RFX3: variants seen among roughly 807,000 people sequenced by gnomAD.
RFX3 encodes the protein regulatory factor X3.
A neutral mutation model predicts 98.6 loss-of-function variants in RFX3; 14 were observed. The ratio of observed to expected loss-of-function variants is 0.14; its 90% CI spans 0.09 to 0.22. RFX3 has a LOEUF of 0.22. Among genes scored for constraint, RFX3 ranks in the 10% least tolerant of loss-of-function variants. RFX3 has a pLI of 1.00. For missense variants in RFX3, 639 were observed against 926.9 expected (o/e 0.69, Z 4.03); for synonymous variants, 383 against 328.4 (o/e 1.17, Z -1.80).
At chr9:3,246,550 G>A (rs367554564) in intron 15 of RFX3, among the ~76,000 whole-genome samples, 16 of 152,332 alleles carry the variant, frequency 1.1e-4, no homozygotes, top group African/African-American at 3.8e-4. Context: ...TTGAGCATAT[G>A]AGGTAGTGGC....
At chr9:3,461,551 TA>T (rs1255290300) in intron 1 of RFX3, among the ~76,000 whole-genome samples, 1 of 151,992 alleles carries the variant, frequency 6.6e-6, no homozygotes. Context: ...AAAGAACTGT[TA>T]GTAGAACAAT....
At chr9:3,456,324 C>A (rs1847148310) in intron 1 of RFX3, among the ~76,000 whole-genome samples, 1 of 152,120 alleles carries the variant, frequency 6.6e-6, no homozygotes, top group African/African-American at 2.4e-5. Context: ...CCACTTGATC[C>A]GTGGCTAGTG....
chr9:3,522,616 C>G (rs1249185339), intron 1 of RFX3, among the ~76,000 whole-genome samples: 5 of 151,130 alleles, frequency 3.3e-5, no homozygotes, highest in Non-Finnish European at 7.4e-5. Flanking sequence ...TGCTGCTATG[C>G]CCACCCATTT....
chr9:3,227,301 G>A (rs1043387060), intron 16 of RFX3, among the ~76,000 whole-genome samples: 3 of 152,144 alleles, frequency 2.0e-5, no homozygotes, highest in Non-Finnish European at 4.4e-5. Flanking sequence ...TGGACTGGAC[G>A]ATTTAAGTGT....
rs1454134114 is a variant in RFX3, at chr9:3,464,800, G to A, written c.-9+60947C>T. On this transcript the variant is annotated intron_variant, in intron 1 of 16. Coordinates refer to ENST00000617270, the MANE Select transcript of RFX3 (RefSeq NM_001282116.2). The stretch of plus-strand genomic sequence containing the variant: ...AATAAAGCTGATTTAACAAATAAAA[G>A]CAATGAAATATATGTTGAAGACTTT... Among the ~76,000 whole-genome samples the A allele has an allele frequency of 2.0e-5, 3 of 152,088 alleles. No individual in the cohort carries two copies. In the East Asian group the frequency reaches 5.8e-4, roughly 29 times the overall value.
intron 1 of RFX3, among the ~76,000 whole-genome samples, chr9:3,514,542 G>A (rs963612868): frequency 3.3e-5 from 5 of 151,940 alleles, no homozygotes; most frequent in Non-Finnish European, 7.4e-5. Flanking sequence ...CCTCCACCTC[G>A]AGGGCTGAAG....
chr9:3,227,812 C>G (rs1817960389), intron 16 of RFX3, among the ~76,000 whole-genome samples: 2 of 152,146 alleles, frequency 1.3e-5, no homozygotes, highest in South Asian at 4.1e-4. Context: ...ATATTTGTAG[C>G]AACAATTTTT....
intron 14 of RFX3, among the ~76,000 whole-genome samples, chr9:3,251,246 A>C (rs1821356211): frequency 6.6e-6 from 1 of 152,240 alleles, no homozygotes; most frequent in African/African-American, 2.4e-5. Flanking sequence ...TATGGTAAAC[A>C]ACTGGATCCC....
chr9:3,403,888 T>C (rs1328893954), intron 1 of RFX3, among the ~76,000 whole-genome samples: 1 of 152,190 alleles, frequency 6.6e-6, no homozygotes. Flanking sequence ...TTCTTAATTT[T>C]CTTCACATCA....
chr9:3,468,740 A>T (rs1280474293), intron 1 of RFX3, among the ~76,000 whole-genome samples: 1 of 151,680 alleles, frequency 6.6e-6, no homozygotes. Context: ...ATGAAGACCT[A>T]GACCTATTTA....
chr9:3,247,607 T>C (rs1224894039), intron 15 of RFX3: 1 of 1,304,092 alleles, frequency 7.7e-7, no homozygotes, highest in Non-Finnish European at 9.8e-7. Context: ...TTTTTATCCT[T>C]CTAAAATAGA....
intron 1 of RFX3, among the ~76,000 whole-genome samples, chr9:3,500,430 T>C (rs1815874337): frequency 6.6e-6 from 1 of 152,182 alleles, no homozygotes; most frequent in Admixed American, 6.5e-5. Flanking sequence ...TGAAAGTTTA[T>C]ATTCAATAAT....
At chr9:3,423,278 C>T (rs907966915) in intron 1 of RFX3, among the ~76,000 whole-genome samples, 8 of 152,106 alleles carry the variant, frequency 5.3e-5, no homozygotes, top group Non-Finnish European at 7.4e-5. Flanking sequence ...ACCCAATATT[C>T]CACTCCTAAG....
At chr9:3,310,212 A>G (rs1480469067) in intron 4 of RFX3, among the ~76,000 whole-genome samples, 1 of 152,136 alleles carries the variant, frequency 6.6e-6, no homozygotes, top group African/African-American at 2.4e-5. Context: ...AGTCTTTTGT[A>G]TGATTTACAT....
intron 1 of RFX3, among the ~76,000 whole-genome samples, chr9:3,415,156 C>G (rs1426716998): frequency 7.6e-6 from 1 of 132,090 alleles, no homozygotes; most frequent in African/African-American, 2.8e-5. Context: ...TATATATATT[C>G]TTATATATAT....
chr9:3,468,953 C>G (rs922609091), intron 1 of RFX3, among the ~76,000 whole-genome samples: 3 of 151,572 alleles, frequency 2.0e-5, no homozygotes, highest in African/African-American at 7.3e-5. Flanking sequence ...CTTTTCAAAA[C>G]CAATTCATTT....
rs1340526482 is a variant in RFX3, at chr9:3,346,703, A to G, written c.179T>C (p.Val60Ala). The G allele has an allele frequency of 1.2e-6, 2 of 1,613,402 alleles. No individual in the cohort carries two copies. Among genetic ancestry groups the G allele is most frequent in the East Asian group, 2.2e-5 (1 of 44,874 alleles). Residue 60 changes from valine to alanine, a missense_variant, in exon 3 of 17, where the codon GTG becomes GCG. Around this residue, in one of 9 missense-constraint regions of RFX3, gnomAD observed 210 missense variants for 197.7 expected, o/e 1.06. Transcript: ENST00000617270. ...QHVYPAQVQY[V>A]EGSDTVYTNG... ...GGTATAGACAGTATCGCTTCCTTCCACATACTGCACCTGAGCGGGATAGAC... is the reference window on the plus strand; with the variant it reads ...GGTATAGACAGTATCGCTTCCTTCCGCATACTGCACCTGAGCGGGATAGAC...
intron 2 of RFX3, among the ~76,000 whole-genome samples, chr9:3,376,347 G>C (rs149051233): frequency 1.5e-3 from 228 of 152,230 alleles, no homozygotes; most frequent in African/African-American, 5.1e-3. Context: ...ATTTACCCAT[G>C]AGAAATAAAA....
intron 1 of RFX3, among the ~76,000 whole-genome samples, chr9:3,400,846 G>T (rs953664103): frequency 3.9e-5 from 6 of 152,132 alleles, no homozygotes; most frequent in African/African-American, 7.2e-5. Context: ...AACAAATAAA[G>T]AAACTGAGGC....
Sources: gnomAD v4.1 joint callset for allele counts (sites outside exome capture counted in the v4.1 genomes callset) on GRCh38, gnomAD v4.1.1 for gene constraint, gnomAD v4.1.1 regional missense constraint, MANE v1.5 for transcripts, NCBI Gene and HGNC (gene_info 2026-07-23, HGNC 2026-07-21) for gene names.